Variants in MYT1L observed in about 807,000 individuals in gnomAD.
The protein encoded by MYT1L is myelin transcription factor 1 like, also known as myelin transcription factor 1-like protein.
A neutral mutation model predicts 126.7 loss-of-function variants in MYT1L; 12 were observed. The ratio of observed to expected loss-of-function variants is 0.09; its 90% CI spans 0.06 to 0.15. The LOEUF (loss-of-function observed/expected upper bound fraction) is 0.15. Ranked by LOEUF, MYT1L falls within the 10% of genes least tolerant of loss-of-function variation. The pLI is 1.00. For missense variants in MYT1L, 979 were observed against 1,585.2 expected, an observed-to-expected ratio of 0.62 and a Z score of 6.49; for synonymous variants, 541 against 604.2, an observed-to-expected ratio of 0.90 and a Z score of 1.53.
chr2:2,090,268 TCAGA>T (rs1267106627), intron 3 of MYT1L, among the ~76,000 whole-genome samples: 1 of 152,188 alleles, frequency 6.6e-6, no homozygotes, highest in East Asian at 1.9e-4. Flanking sequence ...CAGGCATACC[TCAGA>T]GATACTGCAG....
intron 3 of MYT1L, among the ~76,000 whole-genome samples, chr2:2,090,214 A>T (rs1371799620): frequency 6.6e-6 from 1 of 151,976 alleles, no homozygotes; most frequent in African/African-American, 2.4e-5. Context: ...CAAAACATAA[A>T]CTTGTTTTAT....
intron 3 of MYT1L, among the ~76,000 whole-genome samples, chr2:2,058,368 G>T (rs1236122305): frequency 2.6e-5 from 4 of 152,102 alleles, no homozygotes; most frequent in African/African-American, 9.7e-5. Flanking sequence ...CTACCTTGTT[G>T]CTTGTCTTTT....
intron 18 of MYT1L, among the ~76,000 whole-genome samples, chr2:1,861,351 G>A (rs2044567193): frequency 6.6e-6 from 1 of 152,168 alleles, no homozygotes; most frequent in Non-Finnish European, 1.5e-5. Context: ...GGAAAGGCAG[G>A]TCTTCCAGGA....
chr2:1,872,228 C>T (rs1441201214), intron 18 of MYT1L, among the ~76,000 whole-genome samples: 1 of 152,164 alleles, frequency 6.6e-6, no homozygotes. Flanking sequence ...GTTCCGACCC[C>T]CAGTCATCCA....
rs149272032 is a variant in MYT1L at position 1,836,670 on chromosome 2, C to T, written c.3080+2479G>A. ...CCCCAATATTTCATCAGCCTGTACCCCAAGATTCCATCAGCCTGCACCCCA... is the reference window on the plus strand; with the variant it reads ...CCCCAATATTTCATCAGCCTGTACCTCAAGATTCCATCAGCCTGCACCCCA... On this transcript the variant is annotated intron_variant, in intron 21 of 24. Transcript: ENST00000647738. Among the ~76,000 whole-genome samples, 152 of 151,888 alleles carry T rather than the reference C, an allele frequency of 1.0e-3. 1 individual carries two copies. Among genetic ancestry groups the T allele is most frequent in the African/African-American group, 3.5e-3 (144 of 41,404 alleles).
At chr2:1,885,746 G>T (rs1447568095) in intron 18 of MYT1L, among the ~76,000 whole-genome samples, 2 of 152,090 alleles carry the variant, frequency 1.3e-5, no homozygotes, top group Non-Finnish European at 2.9e-5. Context: ...CTCTCATCTC[G>T]CTGTGAGCAT....
intron 1 of MYT1L, chr2:2,325,838 T>C (rs1374756771): frequency 1.3e-5 from 2 of 152,278 alleles, no homozygotes; most frequent in African/African-American, 4.8e-5. Flanking sequence ...GGGTCCATTG[T>C]TGGCGCGTTC....
chr2:2,056,482 G>A (rs1057314138), intron 3 of MYT1L, among the ~76,000 whole-genome samples: 2 of 152,232 alleles, frequency 1.3e-5, no homozygotes, highest in Non-Finnish European at 2.9e-5. Context: ...CTTACTAAAT[G>A]TGTGTGCACA....
intron 1 of MYT1L, among the ~76,000 whole-genome samples, chr2:2,295,956 G>A (rs1327644419): frequency 6.6e-6 from 1 of 151,864 alleles, no homozygotes; most frequent in Non-Finnish European, 1.5e-5. Flanking sequence ...GAGAGGTAGA[G>A]AAAGAGAGAG....
intron 21 of MYT1L, among the ~76,000 whole-genome samples, chr2:1,820,100 G>C (rs1326335220): frequency 6.6e-6 from 1 of 152,172 alleles, no homozygotes; most frequent in Non-Finnish European, 1.5e-5. Flanking sequence ...GCCTGAGGCA[G>C]CAATGGGTTC....
intron 23 of MYT1L, chr2:1,795,736 T>C (rs559012159): frequency 6.6e-6 from 1 of 152,222 alleles, no homozygotes; most frequent in Non-Finnish European, 1.5e-5. Context: ...CTGACGAAGG[T>C]GGGTTCTGTT....
intron 18 of MYT1L, among the ~76,000 whole-genome samples, chr2:1,859,879 G>T (rs2044364771): frequency 6.6e-6 from 1 of 152,244 alleles, no homozygotes; most frequent in Admixed American, 6.5e-5. Context: ...GGGGACCCGG[G>T]CCGCGCTGGT....
chr2:2,163,600 C>T (rs1296950809), intron 3 of MYT1L, among the ~76,000 whole-genome samples: 6 of 151,400 alleles, frequency 4.0e-5, no homozygotes, highest in South Asian at 4.2e-4. Context: ...GGTGCGGTGG[C>T]GGGCGCCTGT....
chr2:2,203,903 C>A (rs2093195301), intron 2 of MYT1L, among the ~76,000 whole-genome samples: 1 of 152,054 alleles, frequency 6.6e-6, no homozygotes, highest in Non-Finnish European at 1.5e-5. Context: ...GTACTGGTAC[C>A]AAAACAGAGA....
rs565933044 is a variant in MYT1L at position 2,231,432 on chromosome 2, A to AT, written c.-421+52971dup. Among the ~76,000 whole-genome samples, 30 of 152,138 alleles carry AT rather than the reference A, an allele frequency of 2.0e-4. No individual in the cohort carries two copies. The South Asian group carries it at 6.2e-3, about 32-fold the overall frequency. ...TCGTTAGGCAAAAATGGTTTTGTTT[A>AT]TTTTTTTAATTTTTTATTTTTTTGA... On this transcript the variant is annotated intron_variant, in intron 2 of 24. Transcript: ENST00000647738.
rs987543872 is a variant in MYT1L at position 2,224,316 on chromosome 2, T to C, written c.-420-51328A>G. ...ACAGATGGCACCCAGAAAGGAGGCG[T>C]GGCGAGACCTTCCAGCAGACAGCAA... On this transcript the variant is annotated intron_variant, in intron 2 of 24. Transcript: ENST00000647738. This position sits in a 1 kb window ranked among gnomAD's most constrained non-coding sequence, Gnocchi z 4.0. 6.6e-6 allele frequency among the ~76,000 whole-genome samples: 1 copy of C among 152,028 alleles called. No homozygotes were observed. The highest frequency in any genetic ancestry group is 1.5e-5 in the Non-Finnish European group (1 of 68,016).
intron 2 of MYT1L, among the ~76,000 whole-genome samples, chr2:2,210,483 C>T (rs1443004304): frequency 2.0e-5 from 3 of 152,150 alleles, no homozygotes; most frequent in African/African-American, 7.2e-5. Flanking sequence ...GTTGAAGAGA[C>T]TGTCTTTTCC....
intron 18 of MYT1L, among the ~76,000 whole-genome samples, chr2:1,861,562 G>A (rs1045594904): frequency 1.3e-5 from 2 of 150,742 alleles, no homozygotes; most frequent in South Asian, 2.1e-4. Context: ...TATTCTAATC[G>A]GGGTTTGGGG....
chr2:2,094,764 G>T (rs933188964), intron 3 of MYT1L, among the ~76,000 whole-genome samples: 33 of 139,662 alleles, frequency 2.4e-4, no homozygotes, highest in African/African-American at 7.8e-4. Flanking sequence ...ACACACCGGG[G>T]CCTGCTGTGG....
Sources: gnomAD v4.1 joint callset for allele counts (sites outside exome capture counted in the v4.1 genomes callset) on GRCh38, gnomAD v4.1.1 for gene constraint, Gnocchi (gnomAD v3.1) non-coding constraint, MANE v1.5 for transcripts, NCBI Gene and HGNC (gene_info 2026-07-23, HGNC 2026-07-21) for gene names.